The following LRRC74B variants were observed in gnomAD, a reference collection of about 807,000 sequenced individuals.
LRRC74B encodes leucine-rich repeat-containing protein 74B.
LRRC74B carries 30 observed loss-of-function variants against 16.6 expected under a neutral mutation model. The observed-to-expected ratio is 1.80, with a 90% CI of 1.35 to 2.45. LRRC74B has a LOEUF of 2.45. LRRC74B is among the 30% of genes most tolerant of loss of function. The pLI is 0.00. For missense variants in LRRC74B, 326 were observed against 202.4 expected, an observed-to-expected ratio of 1.61 and a Z score of -3.71; for synonymous variants, 134 against 86.0, an observed-to-expected ratio of 1.56 and a Z score of -3.09.
chr22:21,054,801 A>C (rs1054569161), intron 6 of LRRC74B, among the ~76,000 whole-genome samples: 3 of 152,226 alleles, frequency 2.0e-5, no homozygotes, highest in Non-Finnish European at 4.4e-5. Flanking sequence ...GGTGATAGGC[A>C]TGAGGTGTCA....
At chr22:21,046,040 T>C in exon 1 of LRRC74B, 3 of 717,394 alleles carry the variant, frequency 4.2e-6, no homozygotes, top group South Asian at 3.0e-5. Context: ...AAGAAGAGGC[T>C]ATGGTGGCCT....
chr22:21,047,568 C>T, intron 2 of LRRC74B, 70 bp downstream of exon 2: 1 of 692,698 alleles, frequency 1.4e-6, no homozygotes. Context: ...CATGGGAGTG[C>T]CCCTGTGTCT....
At chr22:21,052,299 A>T in exon 5 of LRRC74B, 1 of 717,560 alleles carries the variant, frequency 1.4e-6, no homozygotes, top group Non-Finnish European at 2.6e-6. Context: ...CACCGAGCTT[A>T]ACGTGAGCTG....
At chr22:21,063,631 C>T (rs903435918), downstream of LRRC74B, 1 of 152,044 alleles carries the variant, frequency 6.6e-6, no homozygotes, top group African/African-American at 2.4e-5. Context: ...TATGACCATA[C>T]CAGTGCATTC....
chr22:21,058,847 G>A (rs890591644), intron 8 of LRRC74B, among the ~76,000 whole-genome samples: 1 of 152,214 alleles, frequency 6.6e-6, no homozygotes, highest in African/African-American at 2.4e-5. Context: ...CCCTAGTCTT[G>A]TGGGAATGCC....
chr22:21,055,723 G>A (rs1316074779), intron 7 of LRRC74B, among the ~76,000 whole-genome samples: 1 of 152,148 alleles, frequency 6.6e-6, no homozygotes. Flanking sequence ...TGGACATCCA[G>A]CTCTGTCGGC....
chr22:21,056,727 T>A (rs1220183290), intron 7 of LRRC74B: 6 of 233,236 alleles, frequency 2.6e-5, no homozygotes, highest in Non-Finnish European at 8.3e-6. Flanking sequence ...GAAGCTCCGC[T>A]GAGCCCTGCC....
chr22:21,055,604 C>T (rs1223405216), intron 7 of LRRC74B, among the ~76,000 whole-genome samples: 1 of 152,136 alleles, frequency 6.6e-6, no homozygotes, highest in Non-Finnish European at 1.5e-5. Flanking sequence ...CTGAGCAGGA[C>T]AGGGAGCAGA....
intron 2 of LRRC74B, among the ~76,000 whole-genome samples, 154 bp from the exon 3 acceptor site, chr22:21,047,730 T>TG (rs902354026): frequency 6.8e-6 from 1 of 146,910 alleles, no homozygotes; most frequent in African/African-American, 2.5e-5. Flanking sequence ...GAGCTGGGGG[T>TG]GGGGGGAGAC....
At chr22:21,056,160 A>C (rs987632667) in intron 7 of LRRC74B, among the ~76,000 whole-genome samples, 1 of 152,044 alleles carries the variant, frequency 6.6e-6, no homozygotes, top group East Asian at 1.9e-4. Flanking sequence ...CTGCTTTAAA[A>C]CTGTTGGAGT....
At chr22:21,059,285 G>C (rs565269353) in intron 8 of LRRC74B, among the ~76,000 whole-genome samples, 67 of 152,352 alleles carry the variant, frequency 4.4e-4, no homozygotes, top group African/African-American at 1.6e-3. Flanking sequence ...CTACTCAGGA[G>C]GCTGAGGCAG....
In LRRC74B at chr22:21,053,487, C is replaced by CG. The variant is rs1569198939; in HGVS notation, c.848+18dup. On this transcript the variant is annotated intron_variant, in intron 6 of 8. Coordinates refer to ENST00000442047, the Ensembl canonical transcript of LRRC74B. ...GAACTCAACATGAGGTGAGGATCCC[C>CG]GGGGGGACACCCCAGGAATCATGGG... 1 of 715,516 alleles carries CG rather than the reference C, an allele frequency of 1.4e-6. No individual in the cohort carries two copies. The highest frequency in any genetic ancestry group is 2.7e-5 in the East Asian group (1 of 37,270). 44.3% of individuals were successfully genotyped at this position (715,516 alleles called of 1,614,324 possible).
downstream of LRRC74B, among the ~76,000 whole-genome samples, chr22:21,060,745 C>T (rs1930771525): frequency 3.3e-5 from 5 of 152,070 alleles, no homozygotes; most frequent in Non-Finnish European, 4.4e-5. Context: ...TCATTCCTGT[C>T]ACACAAACCC....
At chr22:21,047,207 A>G in intron 1 of LRRC74B, 149 bp from the exon 2 acceptor site, 1 of 580,302 alleles carries the variant, frequency 1.7e-6, no homozygotes, top group Non-Finnish European at 3.1e-6. Flanking sequence ...TGATGTCCTC[A>G]TCTGTCATAT....
chr22:21,064,100 T>G (rs1601828097), downstream of LRRC74B: 1 of 152,624 alleles, frequency 6.6e-6, no homozygotes, highest in African/African-American at 2.4e-5. Flanking sequence ...GGCATTTTGT[T>G]CCTGACTAGC....
At chr22:21,057,014 C>G (rs1363593478) in intron 7 of LRRC74B, 91 bp from the exon 8 acceptor site, 8 of 676,982 alleles carry the variant, frequency 1.2e-5, no homozygotes, top group Non-Finnish European at 2.2e-5. Context: ...TGGCTGTGTC[C>G]TCAGAGATGA....
intron 7 of LRRC74B, among the ~76,000 whole-genome samples, chr22:21,056,279 A>G (rs1311065048): frequency 6.6e-6 from 1 of 152,178 alleles, no homozygotes. Flanking sequence ...AGGCAGGCAG[A>G]TCGCTTGAGG....
At chr22:21,061,417 A>G (rs1191397788), downstream of LRRC74B, among the ~76,000 whole-genome samples, 1 of 152,274 alleles carries the variant, frequency 6.6e-6, no homozygotes, top group Non-Finnish European at 1.5e-5. Flanking sequence ...GGATATGTTA[A>G]ATGTTAAAAG....
chr22:21,060,586 C>G (rs592302), downstream of LRRC74B: 1 of 661,982 alleles, frequency 1.5e-6, no homozygotes, highest in Non-Finnish European at 2.8e-6. Context: ...GGGTGAGGAG[C>G]TCTTTGACTC....
Sources: allele counts gnomAD v4.1 joint callset (sites outside exome capture counted in the v4.1 genomes callset), GRCh38; gene constraint gnomAD v4.1.1; transcripts MANE v1.5; gene names NCBI Gene and HGNC (gene_info 2026-07-23, HGNC 2026-07-21).